Variants in ARHGAP44 observed in about 807,000 individuals in gnomAD.
The protein encoded by ARHGAP44 is Rho GTPase activating protein 44.
In ARHGAP44, 43 loss-of-function variants were observed where a neutral mutation model predicts 106.8. That is an observed-to-expected ratio of 0.40 (90% CI 0.32 to 0.52). The LOEUF (loss-of-function observed/expected upper bound fraction) is 0.52, where lower values mean the gene tolerates loss of function less well. ARHGAP44 is among the 20% of genes least tolerant of loss of function. The pLI is 0.48. For synonymous variants in ARHGAP44, 439 were observed against 410.3 expected, an observed-to-expected ratio of 1.07 and a Z score of -0.85; for missense variants, 866 against 1,050.5, an observed-to-expected ratio of 0.82 and a Z score of 2.43.
chr17:12,968,858 C>T (rs928126457), intron 16 of ARHGAP44, among the ~76,000 whole-genome samples: 5 of 151,660 alleles, frequency 3.3e-5, no homozygotes, highest in African/African-American at 1.2e-4. Flanking sequence ...CAAGCTCCGC[C>T]TCCCGGGTTC....
chr17:12,917,263 G>A, intron 5 of ARHGAP44: 1 of 154,710 alleles, frequency 6.5e-6, no homozygotes, highest in South Asian at 2.0e-4. Context: ...TAATCACAGA[G>A]GGGGAGAGGT....
chr17:12,817,469 A>G (rs1462699785), intron 1 of ARHGAP44, among the ~76,000 whole-genome samples: 1 of 152,012 alleles, frequency 6.6e-6, no homozygotes, highest in Admixed American at 6.6e-5. Flanking sequence ...CCTTAAGAAA[A>G]TAGAAAAGGA....
chr17:12,917,499 G>A (rs2037953636), intron 5 of ARHGAP44, among the ~76,000 whole-genome samples: 1 of 152,186 alleles, frequency 6.6e-6, no homozygotes, highest in Non-Finnish European at 1.5e-5. Context: ...AGAGAGCAGA[G>A]AGAGAATCCT....
At position 12,990,905 on chromosome 17, in the gene ARHGAP44, T is replaced by C. The variant is rs577456718; in HGVS notation, c.*734T>C. 6.6e-6 allele frequency: 1 copy of C among 152,592 alleles called. No homozygotes were observed. Among genetic ancestry groups the C allele is most frequent in the Admixed American group, 6.5e-5 (1 of 15,296 alleles). 9.5% of individuals were successfully genotyped at this position (152,592 alleles called of 1,614,324 possible). A position where few individuals can be genotyped will look rare whatever the true frequency, so the allele number is the denominator to read the frequency against. ...TGACAGTGTCTGGAGGAGCCAAAGG[T>C]GGCCTCCCTGTCCCCAAATATATTG... On this transcript the variant is annotated 3_prime_UTR_variant, in exon 21 of 21. Transcript: ENST00000379672.
chr17:12,874,732 TAA>T (rs34258013), intron 1 of ARHGAP44, among the ~76,000 whole-genome samples: 43 of 144,010 alleles, frequency 3.0e-4, no homozygotes, highest in Non-Finnish European at 4.1e-4. Flanking sequence ...AACTCTGTCT[TAA>T]AAAAAAAAAA....
intron 1 of ARHGAP44, among the ~76,000 whole-genome samples, chr17:12,832,714 G>A (rs543009098): frequency 3.9e-5 from 6 of 152,318 alleles, no homozygotes; most frequent in African/African-American, 1.4e-4. Context: ...TAGGTCAGAT[G>A]TCTTTTATTG....
At chr17:12,852,209 G>A (rs2035768287) in intron 1 of ARHGAP44, among the ~76,000 whole-genome samples, 1 of 134,912 alleles carries the variant, frequency 7.4e-6, no homozygotes, top group Non-Finnish European at 1.6e-5. Flanking sequence ...TAGGGAGGGT[G>A]GTTTTGTGTG....
At position 12,894,227 on chromosome 17, in the gene ARHGAP44, T is replaced by TGA. The variant is rs796631389; in HGVS notation, c.54-699_54-698dup. Among the ~76,000 whole-genome samples, 125 of 147,336 alleles carry TGA rather than the reference T, an allele frequency of 8.5e-4. 1 individual carries two copies. Among genetic ancestry groups the TGA allele is most frequent in the African/African-American group, 2.1e-3 (83 of 38,676 alleles). On this transcript the variant is annotated intron_variant, in intron 1 of 20. Transcript: ENST00000379672. ...TTTGCTGTGTTTGTGTGTGTGTGTG[T>TGA]GAGAGAGAGAGAGAGTGTGTGTGTG...
intron 1 of ARHGAP44, among the ~76,000 whole-genome samples, chr17:12,867,295 G>T (rs2036262358): frequency 1.3e-5 from 2 of 152,084 alleles, no homozygotes; most frequent in South Asian, 4.2e-4. Flanking sequence ...CTGTCTCACG[G>T]AGGTGATCAG....
At chr17:12,933,722 CA>C (rs2038464898) in intron 7 of ARHGAP44, among the ~76,000 whole-genome samples, 1 of 152,214 alleles carries the variant, frequency 6.6e-6, no homozygotes, top group African/African-American at 2.4e-5. Flanking sequence ...CACTTGGCAA[CA>C]GCAGTATCAG....
intron 1 of ARHGAP44, among the ~76,000 whole-genome samples, chr17:12,806,047 A>C (rs889500344): frequency 6.6e-6 from 1 of 152,184 alleles, no homozygotes; most frequent in South Asian, 2.1e-4. Flanking sequence ...TACCTAGCAG[A>C]GGGGGTATAA....
chr17:12,800,896 G>C (rs531862404), intron 1 of ARHGAP44, among the ~76,000 whole-genome samples: 12 of 152,238 alleles, frequency 7.9e-5, no homozygotes, highest in Non-Finnish European at 1.5e-4. Flanking sequence ...CTTCAGTTTA[G>C]GTGGTTTTAG....
Position 12,888,344 on chromosome 17 carries a change from C to T in ARHGAP44, c.54-6596C>T, listed in dbSNP as rs74253585. The stretch of plus-strand genomic sequence containing the variant: ...ATTTTTAAACATCTGCCTTGAGACC[C>T]TCCATGGATTATTTAAAAGTTGTTT... On this transcript the variant is annotated intron_variant, in intron 1 of 20. Coordinates refer to ENST00000379672, the MANE Select transcript of ARHGAP44 (RefSeq NM_014859.6). 2.7e-3 allele frequency among the ~76,000 whole-genome samples: 414 copies of T among 152,228 alleles called. 10 individuals carry two copies. In the East Asian group the frequency reaches 0.044, roughly 16 times the overall value.
intron 8 of ARHGAP44, 109 bp from the exon 9 acceptor site, chr17:12,943,479 C>G: frequency 1.1e-6 from 1 of 913,562 alleles, no homozygotes; most frequent in Non-Finnish European, 1.8e-6. Context: ...GAATGGGTGA[C>G]TACCTCCTTC....
intron 1 of ARHGAP44, among the ~76,000 whole-genome samples, chr17:12,891,166 G>A (rs1598006510): frequency 6.6e-6 from 1 of 152,120 alleles, no homozygotes; most frequent in Non-Finnish European, 1.5e-5. Context: ...TTTGTTCACA[G>A]CAATGCAGCC....
intron 1 of ARHGAP44, among the ~76,000 whole-genome samples, chr17:12,797,607 G>C (rs770053758): frequency 6.6e-6 from 1 of 152,094 alleles, no homozygotes; most frequent in Non-Finnish European, 1.5e-5. Flanking sequence ...GCTTCAACCC[G>C]GGCCATTCCT....
chr17:12,789,735 C>CCGT lies in ARHGAP44; in HGVS notation c.-101_-99dup, dbSNP rs2033674336. On this transcript the variant is annotated 5_prime_UTR_variant, in exon 1 of 21. Coordinates refer to ENST00000379672, the MANE Select transcript of ARHGAP44 (RefSeq NM_014859.6). ...GCCCGGAGGCTCCGCAGTGCCGCCGCCGTCGCCCGGGAGGCTCCGCGCGGG... is the reference window on the plus strand; with the variant it reads ...GCCCGGAGGCTCCGCAGTGCCGCCGCCGTCGTCGCCCGGGAGGCTCCGCGCGGG... The CCGT allele has an allele frequency of 8.9e-7, 1 of 1,124,930 alleles. No homozygotes were observed. The highest frequency in any genetic ancestry group is 1.2e-6 in the Non-Finnish European group (1 of 859,550). 69.7% of individuals were successfully genotyped at this position (1,124,930 alleles called of 1,614,324 possible).
At chr17:12,868,591 TTA>T (rs1209692482) in intron 1 of ARHGAP44, among the ~76,000 whole-genome samples, 1,283 of 47,006 alleles carry the variant, frequency 0.027, 10 homozygotes, top group East Asian at 0.15. Flanking sequence ...TATATGCATT[TTA>T]TATATATATA....
At chr17:12,806,847 GCACCAGAC>G (rs72247317) in intron 1 of ARHGAP44, among the ~76,000 whole-genome samples, 28,218 of 151,976 alleles carry the variant, frequency 0.19, 4,556 homozygotes, top group African/African-American at 0.43. Context: ...GAATTGGGCA[GCACCAGAC>G]CACCAGTGGT....
Sources: gnomAD v4.1 joint callset for allele counts (sites outside exome capture counted in the v4.1 genomes callset) on GRCh38, gnomAD v4.1.1 for gene constraint, MANE v1.5 for transcripts, NCBI Gene and HGNC (gene_info 2026-07-23, HGNC 2026-07-21) for gene names.